EDIL3: variants seen among roughly 807,000 people sequenced by gnomAD.
EDIL3 encodes EGF-like repeat and discoidin I-like domain-containing protein 3.
EDIL3 carries 37 observed loss-of-function variants against 67.4 expected under a neutral mutation model. The ratio of observed to expected loss-of-function variants is 0.55; its 90% CI spans 0.42 to 0.72. The LOEUF (loss-of-function observed/expected upper bound fraction) is 0.72. Among genes scored for constraint, EDIL3 ranks in the 30% least tolerant of loss-of-function variants. The pLI is 0.00. For missense variants in EDIL3, 527 were observed against 586.3 expected, an observed-to-expected ratio of 0.90 and a Z score of 1.04; for synonymous variants, 195 against 196.3, an observed-to-expected ratio of 0.99 and a Z score of 0.05.
intron 9 of EDIL3, among the ~76,000 whole-genome samples, chr5:84,040,607 A>G (rs1580294101): frequency 6.6e-6 from 1 of 151,576 alleles, no homozygotes; most frequent in Non-Finnish European, 1.5e-5. Context: ...GATTCTATAT[A>G]TGGATGTTTA....
At chr5:84,222,906 A>G (rs1054709748) in intron 3 of EDIL3, among the ~76,000 whole-genome samples, 1 of 151,844 alleles carries the variant, frequency 6.6e-6, no homozygotes, top group African/African-American at 2.4e-5. Flanking sequence ...TGGTTGGCAA[A>G]TATCTTCTCA....
In EDIL3 at chr5:84,216,378, C is replaced by A. The variant is rs1404011821; in HGVS notation, c.226+13477G>T. Reference sequence around the variant, plus strand: ...AAAGTTTTACACATATTAGAATGTACAATTTTATAATATATGCATAACAAA... The same window carrying A: ...AAAGTTTTACACATATTAGAATGTAAAATTTTATAATATATGCATAACAAA... On this transcript the variant is annotated intron_variant, in intron 3 of 10. Coordinates refer to ENST00000296591, the MANE Select transcript of EDIL3 (RefSeq NM_005711.5). 3.3e-5 allele frequency among the ~76,000 whole-genome samples: 5 copies of A among 152,192 alleles called. No individual in the cohort carries two copies. In the East Asian group the frequency reaches 7.7e-4, roughly 24 times the overall value.
intron 4 of EDIL3, among the ~76,000 whole-genome samples, chr5:84,152,639 C>G (rs896837127): frequency 1.7e-4 from 26 of 151,968 alleles, no homozygotes; most frequent in African/African-American, 6.3e-4. Flanking sequence ...TTTAATTTGG[C>G]CCTTAGTATA....
chr5:84,099,222 A>G (rs970873585), intron 6 of EDIL3, among the ~76,000 whole-genome samples: 32 of 152,192 alleles, frequency 2.1e-4, no homozygotes, highest in Admixed American at 2.0e-3. Flanking sequence ...GCTACCACTG[A>G]CTTTCTTCAC....
intron 1 of EDIL3, among the ~76,000 whole-genome samples, chr5:84,339,864 A>G (rs1437242137): frequency 6.6e-6 from 1 of 152,096 alleles, no homozygotes; most frequent in Non-Finnish European, 1.5e-5. Flanking sequence ...AAGTAGCCTT[A>G]ATCTGTTAAA....
chr5:84,083,542 G>T (rs1580318855), intron 6 of EDIL3, among the ~76,000 whole-genome samples: 1 of 151,904 alleles, frequency 6.6e-6, no homozygotes, highest in African/African-American at 2.4e-5. Flanking sequence ...TTTGTCTTCT[G>T]AAAACCAGGC....
At chr5:84,284,711 T>A (rs1745776239) in intron 1 of EDIL3, among the ~76,000 whole-genome samples, 1 of 152,110 alleles carries the variant, frequency 6.6e-6, no homozygotes, top group South Asian at 2.1e-4. Flanking sequence ...CCTAACCTCA[T>A]AATTAAAAGT....
chr5:84,073,829 C>T (rs2112249110), intron 6 of EDIL3, among the ~76,000 whole-genome samples: 1 of 152,204 alleles, frequency 6.6e-6, no homozygotes, highest in Middle Eastern at 3.4e-3. Flanking sequence ...ACTTTCCTCA[C>T]AGAATTGGAA....
chr5:84,354,314 A>G (rs1346873717), intron 1 of EDIL3, among the ~76,000 whole-genome samples: 2 of 152,260 alleles, frequency 1.3e-5, no homozygotes, highest in Admixed American at 1.3e-4. Flanking sequence ...TCAGCTAAAA[A>G]TAATTTTTTA....
intron 5 of EDIL3, among the ~76,000 whole-genome samples, chr5:84,127,478 C>T (rs1354500221): frequency 6.6e-6 from 1 of 152,058 alleles, no homozygotes; most frequent in Non-Finnish European, 1.5e-5. Context: ...GTAGAGTGCA[C>T]CATAACCTGG....
rs1196914670 is a variant in EDIL3 at position 84,054,824 on chromosome 5, G to A, written c.1137+5476C>T. 1.3e-5 allele frequency among the ~76,000 whole-genome samples: 2 copies of A among 149,540 alleles called. 1 individual carries two copies. Among genetic ancestry groups the A allele is most frequent in the Non-Finnish European group, 2.9e-5 (2 of 67,800 alleles). ...GAAATAAAAGAGGACACAAACAAAT[G>A]GAAGAACATTCCATGCTCATGGATA... On this transcript the variant is annotated intron_variant, in intron 9 of 10. Transcript: ENST00000296591.
intron 9 of EDIL3, among the ~76,000 whole-genome samples, chr5:83,976,377 G>C (rs1240916980): frequency 6.6e-6 from 1 of 151,794 alleles, no homozygotes; most frequent in Non-Finnish European, 1.5e-5. Context: ...CTAATGTGCT[G>C]TATTTTCAAG....
intron 1 of EDIL3, among the ~76,000 whole-genome samples, chr5:84,330,425 A>G (rs960749173): frequency 1.7e-4 from 26 of 152,206 alleles, no homozygotes; most frequent in African/African-American, 6.3e-4. Flanking sequence ...TTTTTAAAAA[A>G]TAAATTCAGA....
chr5:84,263,151 T>C (rs1023857070), intron 1 of EDIL3, among the ~76,000 whole-genome samples: 40 of 152,106 alleles, frequency 2.6e-4, no homozygotes, highest in African/African-American at 8.9e-4. Context: ...AATAAGTTGA[T>C]AAATAGTTAC....
intron 5 of EDIL3, among the ~76,000 whole-genome samples, chr5:84,109,697 C>G (rs747383310): frequency 3.3e-5 from 5 of 151,974 alleles, no homozygotes; most frequent in Non-Finnish European, 5.9e-5. Context: ...CAAACAAAAA[C>G]AAACAAAAAT....
intron 1 of EDIL3, among the ~76,000 whole-genome samples, chr5:84,257,211 C>A (rs1313801957): frequency 6.6e-6 from 1 of 152,104 alleles, no homozygotes; most frequent in Admixed American, 6.6e-5. Context: ...GGCCCCTCTG[C>A]TGCCCTCTCT....
At chr5:84,372,068 A>G (rs1237272255) in intron 1 of EDIL3, among the ~76,000 whole-genome samples, 6 of 152,118 alleles carry the variant, frequency 3.9e-5, no homozygotes, top group African/African-American at 1.2e-4. Context: ...TGTAGCTTCA[A>G]AAATTAAAAA....
intron 3 of EDIL3, among the ~76,000 whole-genome samples, chr5:84,222,965 C>A (rs1744375288): frequency 6.6e-6 from 1 of 151,770 alleles, no homozygotes. Flanking sequence ...CTTTGTTGTG[C>A]AGAAGCTTTT....
intron 6 of EDIL3, 47 bp downstream of exon 6, chr5:84,106,602 T>C (rs375778219): frequency 1.6e-5 from 24 of 1,502,300 alleles, no homozygotes; most frequent in Non-Finnish European, 2.0e-5. Context: ...ACCAGAATCA[T>C]TTAAAAATGA....
Sources: allele counts gnomAD v4.1 joint callset (sites outside exome capture counted in the v4.1 genomes callset), GRCh38; gene constraint gnomAD v4.1.1; transcripts MANE v1.5; gene names NCBI Gene and HGNC (gene_info 2026-07-23, HGNC 2026-07-21).